Variants in PCBP3 observed in about 807,000 individuals in gnomAD.
PCBP3 encodes poly(rC) binding protein 3.
Under a neutral mutation model 52.7 loss-of-function variants are expected in PCBP3, and 25 were observed. That is an observed-to-expected ratio of 0.47 (90% confidence interval 0.35 to 0.66). The LOEUF (loss-of-function observed/expected upper bound fraction) is 0.66, where lower values mean the gene tolerates loss of function less well. Ranked by LOEUF, PCBP3 falls within the 30% of genes least tolerant of loss-of-function variation. The pLI is 0.01. For synonymous variants in PCBP3, 162 were observed against 183.0 expected, an observed-to-expected ratio of 0.89 and a Z score of 0.93; for missense variants, 391 against 490.3, an observed-to-expected ratio of 0.80 and a Z score of 1.91.
intron 4 of PCBP3, among the ~76,000 whole-genome samples, chr21:45,811,790 G>A (rs374111108): frequency 5.3e-5 from 8 of 152,154 alleles, no homozygotes; most frequent in East Asian, 1.9e-4. Context: ...GCTTTGAGTC[G>A]TGCTTTTGTT....
At chr21:45,939,227 C>T (rs953593537) in intron 16 of PCBP3, among the ~76,000 whole-genome samples, 1 of 152,236 alleles carries the variant, frequency 6.6e-6, no homozygotes, top group East Asian at 1.9e-4. Flanking sequence ...AGCTCTCATC[C>T]GTGGCCTATG....
chr21:45,840,040 G>T (rs1248924775), intron 4 of PCBP3, among the ~76,000 whole-genome samples: 1 of 151,994 alleles, frequency 6.6e-6, no homozygotes, highest in Non-Finnish European at 1.5e-5. Flanking sequence ...ACAATTTTAA[G>T]AATAGAAAGA....
chr21:45,690,193 A>G (rs1054238454), intron 2 of PCBP3, among the ~76,000 whole-genome samples: 78 of 152,196 alleles, frequency 5.1e-4, no homozygotes, highest in African/African-American at 1.8e-3. Flanking sequence ...TGTATGATCA[A>G]TTGATTTTTG....
At chr21:45,779,967 A>G (rs1049861381) in intron 4 of PCBP3, among the ~76,000 whole-genome samples, 1 of 152,260 alleles carries the variant, frequency 6.6e-6, no homozygotes, top group African/African-American at 2.4e-5. Flanking sequence ...ATAGGCCTGC[A>G]CAAACGTGGC....
Position 45,935,262 on chromosome 21 carries a change from C to G in PCBP3, c.866C>G (p.Ala289Gly). Residue 289 changes from alanine (A) to glycine (G), a missense_variant, in exon 16 of 18, where the codon GCC becomes GGC. Physicochemically the swap from Ala to Gly is moderately conservative, Grantham distance 60. Transcript: ENST00000681687. ...NLMGQSSGLD[A>G]SPPASTHELT... ...CCCTTGGTATACCCAGGTCTGGACG[C>G]CAGCCCACCGGCCAGCACTCATGAG... 1 of 1,612,358 alleles carries G rather than the reference C, an allele frequency of 6.2e-7. No individual in the cohort carries two copies. The highest frequency in any genetic ancestry group is 2.2e-5 in the East Asian group (1 of 44,854).
At chr21:45,650,275 C>T (rs1215138683) in intron 1 of PCBP3, among the ~76,000 whole-genome samples, 3 of 152,094 alleles carry the variant, frequency 2.0e-5, no homozygotes, top group Non-Finnish European at 4.4e-5. Flanking sequence ...GAGGTTGAAG[C>T]TGCAATGAAC....
At chr21:45,784,806 C>T (rs908594762) in intron 4 of PCBP3, among the ~76,000 whole-genome samples, 15 of 152,188 alleles carry the variant, frequency 9.9e-5, no homozygotes, top group African/African-American at 3.1e-4. Context: ...GATCTCGGCT[C>T]GCTACAACAT....
chr21:45,842,412 G>A (rs1036304405), intron 4 of PCBP3, among the ~76,000 whole-genome samples: 38 of 152,020 alleles, frequency 2.5e-4, no homozygotes, highest in African/African-American at 6.0e-4. Context: ...TTGTTTGTTC[G>A]TTCTCCATAT....
At chr21:45,813,367 C>T (rs2092734816) in intron 4 of PCBP3, among the ~76,000 whole-genome samples, 2 of 152,160 alleles carry the variant, frequency 1.3e-5, no homozygotes, top group Non-Finnish European at 2.9e-5. Context: ...CTAGTTGGCT[C>T]ATTTTTATAG....
chr21:45,824,795 T>C (rs150776490), intron 4 of PCBP3, among the ~76,000 whole-genome samples: 1 of 152,352 alleles, frequency 6.6e-6, no homozygotes, highest in Non-Finnish European at 1.5e-5. Context: ...CTTTGCTGGC[T>C]GATGTCTACA....
intron 4 of PCBP3, among the ~76,000 whole-genome samples, chr21:45,767,965 T>C (rs2089509216): frequency 6.6e-6 from 1 of 152,252 alleles, no homozygotes; most frequent in Non-Finnish European, 1.5e-5. Flanking sequence ...GGTTTGTTTT[T>C]GCTTGATTGT....
At chr21:45,854,823 G>A (rs1056062362) in intron 5 of PCBP3, among the ~76,000 whole-genome samples, 2 of 152,228 alleles carry the variant, frequency 1.3e-5, no homozygotes, top group African/African-American at 4.8e-5. Flanking sequence ...GAAGCTGGGT[G>A]TGGGCTCTGG....
intron 1 of PCBP3, among the ~76,000 whole-genome samples, chr21:45,648,632 G>A (rs892946098): frequency 6.6e-6 from 1 of 152,152 alleles, no homozygotes; most frequent in Admixed American, 6.5e-5. Context: ...ACTTTCCAGA[G>A]GTTTGTTTCT....
intron 10 of PCBP3, among the ~76,000 whole-genome samples, chr21:45,909,712 G>GCCC (rs879334360): frequency 1.9e-4 from 18 of 96,554 alleles, no homozygotes; most frequent in East Asian, 4.0e-4. Context: ...TACGGACCCG[G>GCCC]CCACCCACTG....
chr21:45,842,981 G>A (rs2093729339), intron 4 of PCBP3, among the ~76,000 whole-genome samples: 1 of 148,162 alleles, frequency 6.7e-6, no homozygotes, highest in Non-Finnish European at 1.5e-5. Flanking sequence ...TTTCCAGTGT[G>A]TATCCTTTGG....
chr21:45,740,756 G>C (rs1318258901), intron 3 of PCBP3, among the ~76,000 whole-genome samples: 2 of 152,066 alleles, frequency 1.3e-5, no homozygotes, highest in Non-Finnish European at 2.9e-5. Context: ...TGTGGAAGGT[G>C]TGTGCATGTG....
intron 10 of PCBP3, among the ~76,000 whole-genome samples, 190 bp downstream of exon 10, chr21:45,909,676 G>A (rs545376900): frequency 6.6e-6 from 1 of 151,542 alleles, no homozygotes; most frequent in African/African-American, 2.4e-5. Context: ...CTGCACTGCA[G>A]GGACCCAGCC....
At chr21:45,868,571 T>G (rs1036280848) in intron 5 of PCBP3, among the ~76,000 whole-genome samples, 1 of 152,214 alleles carries the variant, frequency 6.6e-6, no homozygotes, top group African/African-American at 2.4e-5. Context: ...GGAATCCACG[T>G]GGGTCTCGGG....
At chr21:45,694,129 C>T (rs1305889338) in intron 2 of PCBP3, among the ~76,000 whole-genome samples, 4 of 151,724 alleles carry the variant, frequency 2.6e-5, no homozygotes, top group Admixed American at 6.6e-5. Context: ...TTATTCCAAA[C>T]GAAGATGGGA....
Sources: allele counts gnomAD v4.1 joint callset (sites outside exome capture counted in the v4.1 genomes callset), GRCh38; gene constraint gnomAD v4.1.1; transcripts MANE v1.5; gene names NCBI Gene and HGNC (gene_info 2026-07-23, HGNC 2026-07-21).